TENM4: variants seen among roughly 807,000 people sequenced by gnomAD.
TENM4 encodes the protein teneurin-4.
TENM4 carries 82 observed loss-of-function variants against 243.3 expected under a neutral mutation model. The ratio of observed to expected loss-of-function variants is 0.34; its 90% CI spans 0.28 to 0.40. TENM4 has a LOEUF of 0.40. TENM4 is among the 10% of genes least tolerant of loss of function. The pLI is 1.00. For missense variants in TENM4, 3,138 were observed against 3,673.3 expected (o/e 0.85, Z 3.77); for synonymous variants, 1,412 against 1,456.3 (o/e 0.97, Z 0.69).
At chr11:79,432,866 C>T (rs1029797413) in intron 1 of TENM4, among the ~76,000 whole-genome samples, 6 of 152,172 alleles carry the variant, frequency 3.9e-5, no homozygotes, top group Non-Finnish European at 8.8e-5. Flanking sequence ...AGAGGCCTAC[C>T]ATCAAATGCT....
intron 1 of TENM4, among the ~76,000 whole-genome samples, chr11:79,432,060 T>C (rs916108813): frequency 2.6e-5 from 4 of 152,256 alleles, no homozygotes; most frequent in Non-Finnish European, 5.9e-5. Context: ...AATAAATGAT[T>C]AGTTTTGTTT....
intron 20 of TENM4, among the ~76,000 whole-genome samples, chr11:78,733,773 T>C (rs562633461): frequency 6.6e-6 from 1 of 152,286 alleles, no homozygotes; most frequent in South Asian, 2.1e-4. Flanking sequence ...ACTCAGATTA[T>C]AGATAATGGG....
At chr11:78,986,608 G>T (rs77622880) in intron 6 of TENM4, among the ~76,000 whole-genome samples, 164 of 152,264 alleles carry the variant, frequency 1.1e-3, no homozygotes, top group Non-Finnish European at 2.1e-3. Flanking sequence ...TCTGTCGTCC[G>T]CCTAGAGCGC....
chr11:79,210,825 TG>T (rs1863941494), intron 3 of TENM4, among the ~76,000 whole-genome samples: 1 of 152,230 alleles, frequency 6.6e-6, no homozygotes, highest in South Asian at 2.1e-4. Flanking sequence ...TATTTGCTAA[TG>T]AATTAGAATT....
intron 10 of TENM4, among the ~76,000 whole-genome samples, chr11:78,860,062 T>C (rs984559194): frequency 6.6e-6 from 1 of 152,230 alleles, no homozygotes; most frequent in Non-Finnish European, 1.5e-5. Context: ...ATGATGAACA[T>C]TTACAATTCT....
chr11:78,725,355 T>A (rs947731209), intron 23 of TENM4, among the ~76,000 whole-genome samples: 8 of 152,220 alleles, frequency 5.3e-5, no homozygotes, highest in African/African-American at 1.7e-4. Flanking sequence ...GCAGGTGATA[T>A]CTGACATCAT....
At chr11:78,862,824 G>A (rs998072647) in intron 10 of TENM4, 138 bp downstream of exon 10, 134 of 898,532 alleles carry the variant, frequency 1.5e-4, no homozygotes, top group Non-Finnish European at 1.8e-4. Flanking sequence ...GACAGCTGGC[G>A]TGGAGTGTGG....
chr11:78,978,347 T>TAAGAA (rs61346145), intron 6 of TENM4, among the ~76,000 whole-genome samples: 50,816 of 137,626 alleles, frequency 0.37, 10,040 homozygotes, highest in Non-Finnish European at 0.43. Flanking sequence ...GAACTTAAAG[T>TAAGAA]AAGAAAAGAA....
At chr11:79,427,824 A>G (rs535998462) in intron 1 of TENM4, among the ~76,000 whole-genome samples, 1 of 152,340 alleles carries the variant, frequency 6.6e-6, no homozygotes, top group African/African-American at 2.4e-5. Flanking sequence ...TTGAAGATAT[A>G]AAAGAAGCCT....
intron 3 of TENM4, among the ~76,000 whole-genome samples, chr11:79,149,350 T>G (rs1476998073): frequency 6.6e-6 from 1 of 152,170 alleles, no homozygotes; most frequent in Non-Finnish European, 1.5e-5. Flanking sequence ...ATTCATTAAT[T>G]TTCAGCTCTT....
chr11:79,042,307 C>G (rs1396892118), intron 6 of TENM4, among the ~76,000 whole-genome samples: 1 of 152,220 alleles, frequency 6.6e-6, no homozygotes. Context: ...TGCATCCACA[C>G]AGTTACCCTG....
chr11:78,786,890 C>T lies in TENM4; in HGVS notation c.2365+8G>A, dbSNP rs1191988830. ...GAGAAGGTACCCGGGGACCTCGGCC[C>T]GCCATACCGATGGTGCAGTGTTCGC... On this transcript the variant is annotated splice_region_variant and intron_variant, in intron 16 of 33. Coordinates refer to ENST00000278550, the MANE Select transcript of TENM4 (RefSeq NM_001098816.3). 15 of 1,604,454 alleles carry T rather than the reference C, an allele frequency of 9.3e-6. No individual in the cohort carries two copies. Among genetic ancestry groups the T allele is most frequent in the East Asian group, 4.5e-5 (2 of 44,486 alleles).
At chr11:79,113,420 T>TGTGTGTGTG (rs529644748) in intron 4 of TENM4, among the ~76,000 whole-genome samples, 1 of 111,046 alleles carries the variant, frequency 9.0e-6, no homozygotes, top group Admixed American at 8.7e-5. Context: ...TGTGTGTGTG[T>TGTGTGTGTG]TGTGTGTGTG....
chr11:79,298,570 G>C (rs1056162280), intron 1 of TENM4, among the ~76,000 whole-genome samples: 1 of 149,132 alleles, frequency 6.7e-6, no homozygotes, highest in Admixed American at 6.7e-5. Flanking sequence ...AAACTGGACC[G>C]GCTGGTCACA....
chr11:78,670,123 T>A lies in TENM4; in HGVS notation c.6222A>T (p.Glu2074Asp), dbSNP rs758980878. 1 of 1,613,946 alleles carries A rather than the reference T, an allele frequency of 6.2e-7. No individual in the cohort carries two copies. Among genetic ancestry groups the A allele is most frequent in the East Asian group, 2.2e-5 (1 of 44,872 alleles). ...AGTCAAAACGGGCGTTGACCATGCC[T>A]TCCTCAGTGAAGCGGAAGATCTGTC... ...IDRQIFRFTE[E>D]GMVNARFDYN... Residue 2074 changes from glutamate (E) to aspartate (D), a missense_variant, in exon 32 of 34, where the codon GAA (glutamate) becomes GAT (aspartate). Glu to Asp is a conservative substitution (Grantham distance 45). Transcript: ENST00000278550.
chr11:79,105,844 G>C (rs550769355), intron 4 of TENM4, among the ~76,000 whole-genome samples: 1 of 152,218 alleles, frequency 6.6e-6, no homozygotes, highest in Non-Finnish European at 1.5e-5. Context: ...AGCTTATGCC[G>C]GGTGAACTCT....
chr11:79,147,781 G>A (rs1862420482), intron 4 of TENM4, among the ~76,000 whole-genome samples: 1 of 152,038 alleles, frequency 6.6e-6, no homozygotes, highest in Admixed American at 6.6e-5. Context: ...AACAAATGAG[G>A]AAACAGATGA....
At chr11:78,727,463 A>G (rs1171448631) in intron 22 of TENM4, among the ~76,000 whole-genome samples, 8 of 152,154 alleles carry the variant, frequency 5.3e-5, no homozygotes, top group Non-Finnish European at 8.8e-5. Context: ...TTATGTATGA[A>G]AAAAGAAAAC....
At chr11:78,915,810 G>A (rs555545794) in intron 6 of TENM4, among the ~76,000 whole-genome samples, 1 of 152,192 alleles carries the variant, frequency 6.6e-6, no homozygotes, top group East Asian at 1.9e-4. Context: ...CATGGAAGAG[G>A]TGAATTCTCA....
Sources: gnomAD v4.1 joint callset for allele counts (sites outside exome capture counted in the v4.1 genomes callset) on GRCh38, gnomAD v4.1.1 for gene constraint, MANE v1.5 for transcripts, NCBI Gene and HGNC (gene_info 2026-07-23, HGNC 2026-07-21) for gene names.